Variants in RB1CC1 observed in about 807,000 individuals in gnomAD.
The protein encoded by RB1CC1 is RB1-inducible coiled-coil protein 1.
RB1CC1 carries 46 observed loss-of-function variants against 177.5 expected under a neutral mutation model. That is an observed-to-expected ratio of 0.26 (90% CI 0.20 to 0.33). The LOEUF (loss-of-function observed/expected upper bound fraction) is 0.33, where lower values mean the gene tolerates loss of function less well. Among genes scored for constraint, RB1CC1 ranks in the 10% least tolerant of loss-of-function variants. RB1CC1 has a pLI of 1.00. For synonymous variants in RB1CC1, 666 were observed against 613.6 expected, an observed-to-expected ratio of 1.09 and a Z score of -1.26; for missense variants, 1,703 against 1,816.3, an observed-to-expected ratio of 0.94 and a Z score of 1.13.
intron 7 of RB1CC1, among the ~76,000 whole-genome samples, chr8:52,673,130 G>A (rs576045424): frequency 3.9e-5 from 6 of 152,132 alleles, no homozygotes; most frequent in East Asian, 1.9e-4. Context: ...ACTCTTCTTC[G>A]ACTGCATGCT....
In RB1CC1 at chr8:52,661,170, A is replaced by T; in HGVS notation, c.1470T>A (p.Ser490Arg). The part of the protein sequence containing the change: ...LERVKIVEAL[S>R]TVPQMYCLAV... ...CTAAGCAGTACATCTGAGGAACTGT[A>T]CTAAGAGCTTCAACAATTTTGACTC... Residue 490 changes from serine (S) to arginine (R), a missense_variant, in exon 10 of 24, where the codon AGT (serine) becomes AGA (arginine). By Grantham distance (110) the Ser-to-Arg change is moderately radical. Coordinates refer to ENST00000025008, the MANE Select transcript of RB1CC1 (RefSeq NM_014781.5). 6.2e-7 allele frequency: 1 copy of T among 1,613,978 alleles called. No homozygotes were observed. Among genetic ancestry groups the T allele is most frequent in the Non-Finnish European group, 8.5e-7 (1 of 1,179,898 alleles).
intron 15 of RB1CC1, among the ~76,000 whole-genome samples, chr8:52,652,288 A>G (rs977557166): frequency 2.0e-5 from 3 of 152,018 alleles, no homozygotes; most frequent in Non-Finnish European, 4.4e-5. Context: ...AACATGGCGA[A>G]ACCCCATCTC....
chr8:52,703,958 TTA>T (rs1361612451), intron 1 of RB1CC1, among the ~76,000 whole-genome samples: 1 of 152,190 alleles, frequency 6.6e-6, no homozygotes, highest in Non-Finnish European at 1.5e-5. Context: ...ACTGTATACT[TTA>T]TGTTACATAC....
chr8:52,645,610 T>G, intron 16 of RB1CC1, 92 bp downstream of exon 16: 12 of 1,295,686 alleles, frequency 9.3e-6, no homozygotes, highest in Non-Finnish European at 1.3e-5. Context: ...ATCTAAGATA[T>G]AAGAAACCCT....
intron 22 of RB1CC1, among the ~76,000 whole-genome samples, chr8:52,625,487 T>C (rs1848321357): frequency 6.6e-6 from 1 of 152,172 alleles, no homozygotes; most frequent in Non-Finnish European, 1.5e-5. Flanking sequence ...AGCTGTCTTA[T>C]TAAAGTTGAC....
chr8:52,703,429 A>T (rs1452701048), intron 1 of RB1CC1, among the ~76,000 whole-genome samples: 1 of 152,226 alleles, frequency 6.6e-6, no homozygotes, highest in Non-Finnish European at 1.5e-5. Context: ...CCTTAGACTG[A>T]CACTCCACTA....
At chr8:52,695,586 T>C (rs1383437366) in intron 1 of RB1CC1, among the ~76,000 whole-genome samples, 1 of 152,160 alleles carries the variant, frequency 6.6e-6, no homozygotes, top group African/African-American at 2.4e-5. Flanking sequence ...GTGAGTCATG[T>C]GGACAGTACA....
chr8:52,679,070 C>G (rs1354361380), intron 5 of RB1CC1, among the ~76,000 whole-genome samples: 2 of 152,126 alleles, frequency 1.3e-5, no homozygotes, highest in African/African-American at 2.4e-5. Context: ...GAAAACTGAT[C>G]AACTTGGGTC....
At position 52,657,578 on chromosome 8, in the gene RB1CC1, T is replaced by A; in HGVS notation, c.2251A>T (p.Ile751Leu). The change falls in exon 15 of 24, where the codon ATA becomes TTA. Residue 751 changes from isoleucine (I) to leucine (L), a missense_variant. Physicochemically the swap from Ile to Leu is conservative, Grantham distance 5 (BLOSUM62 2). Coordinates refer to ENST00000025008, the MANE Select transcript of RB1CC1 (RefSeq NM_014781.5). ...ATTTCTGGGCTTTGTGGATCACTTA[T>A]AGGATTAGGAGACGACAAATTTTCT... ...IEENLSSPNP[I>L]SDPQSPEMMV... 5 of 1,614,066 alleles carry A rather than the reference T, an allele frequency of 3.1e-6. No homozygotes were observed. Among genetic ancestry groups the A allele is most frequent in the African/African-American group, 1.3e-5 (1 of 75,044 alleles).
chr8:52,638,597 TTTG>T (rs1452168915), intron 18 of RB1CC1, among the ~76,000 whole-genome samples: 4 of 152,118 alleles, frequency 2.6e-5, no homozygotes, highest in Non-Finnish European at 5.9e-5. Flanking sequence ...ACTTCTGCTG[TTTG>T]TTTTCTGTTG....
chr8:52,703,444 C>T (rs932709565), intron 1 of RB1CC1, among the ~76,000 whole-genome samples: 6 of 152,156 alleles, frequency 3.9e-5, no homozygotes, highest in African/African-American at 1.4e-4. Flanking sequence ...CCACTATTTC[C>T]TTTATTTGGG....
chr8:52,630,124 C>A (rs1418318494), intron 21 of RB1CC1, among the ~76,000 whole-genome samples: 1 of 152,046 alleles, frequency 6.6e-6, no homozygotes, highest in African/African-American at 2.4e-5. Context: ...GGAAACACTG[C>A]AACTTAAAAA....
At chr8:52,646,966 T>C (rs137940483) in intron 15 of RB1CC1, among the ~76,000 whole-genome samples, 80 of 152,318 alleles carry the variant, frequency 5.3e-4, no homozygotes, top group African/African-American at 1.8e-3. Context: ...GGTCAATTTT[T>C]AGGCTTAAAT....
At position 52,674,163 on chromosome 8, in the gene RB1CC1, G is replaced by A. The variant is rs1311522230; in HGVS notation, c.684C>T (p.Asp228=). 1 of 1,613,730 alleles carries A rather than the reference G, an allele frequency of 6.2e-7. No individual in the cohort carries two copies. The highest frequency in any genetic ancestry group is 1.1e-5 in the South Asian group (1 of 91,070). ...ATCTTTTCATCTCAGCTTTTTCTGA[G>A]TCTTCATGTTCAGGTAAAGAATCCA... The part of the protein sequence containing the change: ...GRLDSLPEHE[D]SEKAEMKRST... Residue 228 remains aspartate (D), a synonymous_variant, in exon 7 of 24, where the codon GAC becomes GAT. Coordinates refer to ENST00000025008, the MANE Select transcript of RB1CC1 (RefSeq NM_014781.5).
Position 52,708,073 on chromosome 8 carries a change from C to T in RB1CC1, c.-167+6002G>A, listed in dbSNP as rs1198778736. ...AATTATGACTTTAATTAAACTCCAGCACTCAAGAACTTCATAATTAACCCC... is the reference window on the plus strand; with the variant it reads ...AATTATGACTTTAATTAAACTCCAGTACTCAAGAACTTCATAATTAACCCC... On this transcript the variant is annotated intron_variant, in intron 1 of 23. Transcript: ENST00000025008. Among the ~76,000 whole-genome samples the T allele has an allele frequency of 2.0e-5, 3 of 152,170 alleles. No individual in the cohort carries two copies. The East Asian group carries it at 5.8e-4, about 29-fold the overall frequency.
At chr8:52,671,466 A>G (rs1041805398) in intron 7 of RB1CC1, among the ~76,000 whole-genome samples, 1 of 152,172 alleles carries the variant, frequency 6.6e-6, no homozygotes, top group Non-Finnish European at 1.5e-5. Context: ...AGAGTAAAAA[A>G]CCATCTCCAA....
intron 20 of RB1CC1, 35 bp from the exon 21 acceptor site, chr8:52,630,563 ATT>A: frequency 6.5e-7 from 1 of 1,533,524 alleles, no homozygotes. Flanking sequence ...AACTTACACA[ATT>A]TGAGTACCAC....
intron 15 of RB1CC1, 74 bp from the exon 16 acceptor site, chr8:52,645,941 GA>G (rs1450553730): frequency 1.5e-6 from 2 of 1,360,180 alleles, no homozygotes; most frequent in Non-Finnish European, 2.0e-6. Flanking sequence ...TCATATTTGG[GA>G]AATTTATCTT....
intron 1 of RB1CC1, among the ~76,000 whole-genome samples, chr8:52,699,381 G>A (rs185334011): frequency 2.2e-4 from 34 of 152,298 alleles, no homozygotes; most frequent in African/African-American, 7.7e-4. Flanking sequence ...AGTAACAAGA[G>A]AATGAGAAGC....
Sources: allele counts gnomAD v4.1 joint callset (sites outside exome capture counted in the v4.1 genomes callset), GRCh38; gene constraint gnomAD v4.1.1; transcripts MANE v1.5; gene names NCBI Gene and HGNC (gene_info 2026-07-23, HGNC 2026-07-21).